The following RBFOX1 variants were observed in gnomAD, a reference collection of about 807,000 sequenced individuals.
RBFOX1 encodes RNA binding fox-1 homolog 1.
Under a neutral mutation model 57.7 loss-of-function variants are expected in RBFOX1, and 8 were observed. That is an observed-to-expected ratio of 0.14 (90% CI 0.08 to 0.25). RBFOX1 has a LOEUF of 0.25. RBFOX1 is among the 10% of genes least tolerant of loss of function. The pLI is 1.00. For synonymous variants in RBFOX1, 326 were observed against 222.4 expected, an observed-to-expected ratio of 1.47 and a Z score of -4.15; for missense variants, 611 against 548.5, an observed-to-expected ratio of 1.11 and a Z score of -1.14.
chr16:6,580,724 C>T (rs912095598), intron 2 of RBFOX1, among the ~76,000 whole-genome samples: 2 of 152,066 alleles, frequency 1.3e-5, no homozygotes, highest in African/African-American at 4.8e-5. Context: ...GAGATGAGAC[C>T]AGCTGAGGCT....
At chr16:7,299,608 C>T (rs2095982347) in intron 4 of RBFOX1, among the ~76,000 whole-genome samples, 1 of 152,192 alleles carries the variant, frequency 6.6e-6, no homozygotes, top group Non-Finnish European at 1.5e-5. Context: ...AAATCCTGGA[C>T]CCTCTGACTC....
chr16:6,227,027 G>A (rs758098101), intron 1 of RBFOX1, among the ~76,000 whole-genome samples: 4 of 151,930 alleles, frequency 2.6e-5, no homozygotes, highest in Non-Finnish European at 5.9e-5. Context: ...GGGAGGCTGA[G>A]GCAGGATAAT....
At chr16:5,928,701 A>T (rs1057362167) in intron 4 of RBFOX1, among the ~76,000 whole-genome samples, 9 of 132,290 alleles carry the variant, frequency 6.8e-5, no homozygotes, top group Admixed American at 5.5e-4. Flanking sequence ...TCTGCCCAAT[A>T]AAAAAAAAAA....
At chr16:5,626,377 C>A (rs2048351354) in intron 3 of RBFOX1, among the ~76,000 whole-genome samples, 1 of 152,158 alleles carries the variant, frequency 6.6e-6, no homozygotes, top group African/African-American at 2.4e-5. Flanking sequence ...TTTTAATCTT[C>A]TCATCTTAGG....
At chr16:6,929,465 T>C (rs1289571703) in intron 3 of RBFOX1, among the ~76,000 whole-genome samples, 1 of 152,178 alleles carries the variant, frequency 6.6e-6, no homozygotes, top group African/African-American at 2.4e-5. Flanking sequence ...CGTGCTTTTC[T>C]GTATTCTAAG....
At chr16:7,039,296 C>G (rs562296007) in intron 3 of RBFOX1, among the ~76,000 whole-genome samples, 1 of 152,296 alleles carries the variant, frequency 6.6e-6, no homozygotes, top group African/African-American at 2.4e-5. Flanking sequence ...GCTCTTTCGT[C>G]CGTCTCCCTT....
At chr16:5,931,426 A>G (rs2059053948) in intron 4 of RBFOX1, among the ~76,000 whole-genome samples, 1 of 152,074 alleles carries the variant, frequency 6.6e-6, no homozygotes, top group African/African-American at 2.4e-5. Flanking sequence ...TTAAAGTGGG[A>G]GAAAAGTTTG....
At chr16:5,377,458 T>TA (rs1466671259) in intron 1 of RBFOX1, among the ~76,000 whole-genome samples, 2 of 150,576 alleles carry the variant, frequency 1.3e-5, no homozygotes, top group African/African-American at 5.0e-5. Flanking sequence ...CAAAGGCTGT[T>TA]AGAGTTTGAG....
intron 1 of RBFOX1, among the ~76,000 whole-genome samples, chr16:5,295,562 C>T (rs977727193): frequency 6.6e-6 from 1 of 152,166 alleles, no homozygotes; most frequent in Non-Finnish European, 1.5e-5. Context: ...CATTCAGTTC[C>T]TTGCAGGCTG....
intron 14 of RBFOX1, among the ~76,000 whole-genome samples, chr16:7,708,789 T>C (rs755157998): frequency 4.0e-4 from 60 of 150,736 alleles, no homozygotes; most frequent in Non-Finnish European, 8.3e-4. Context: ...AACAGTATTA[T>C]GGGGGGAGGC....
At chr16:6,641,940 T>C (rs1355278322) in intron 2 of RBFOX1, among the ~76,000 whole-genome samples, 1 of 152,092 alleles carries the variant, frequency 6.6e-6, no homozygotes, top group East Asian at 1.9e-4. Context: ...TTCTCTTTTT[T>C]CCATTCTTTT....
chr16:6,932,722 G>C (rs938253867), intron 3 of RBFOX1, among the ~76,000 whole-genome samples: 5 of 152,032 alleles, frequency 3.3e-5, no homozygotes, highest in African/African-American at 1.2e-4. Context: ...TGTTAAATTT[G>C]TTTTTGAGTT....
At chr16:7,185,013 A>G (rs1403846333) in intron 4 of RBFOX1, among the ~76,000 whole-genome samples, 1 of 152,186 alleles carries the variant, frequency 6.6e-6, no homozygotes, top group Non-Finnish European at 1.5e-5. Flanking sequence ...CACTTTGCCA[A>G]TAAGGAAATT....
chr16:5,905,064 C>CTTTTTTTTTT (rs57349384), intron 4 of RBFOX1, among the ~76,000 whole-genome samples: 1 of 78,468 alleles, frequency 1.3e-5, no homozygotes, highest in African/African-American at 5.3e-5. Flanking sequence ...ATGACTGGTG[C>CTTTTTTTTTT]TTTTTTTTTT....
At chr16:6,244,589 C>CT (rs2097558793) in intron 1 of RBFOX1, among the ~76,000 whole-genome samples, 4 of 152,110 alleles carry the variant, frequency 2.6e-5, no homozygotes, top group Admixed American at 6.5e-5. Flanking sequence ...CTGCAATGTT[C>CT]GCCTCTTGGG....
At chr16:7,460,389 ATGTGTGTGTGTGTGTGTG>A (rs1235047786) in intron 4 of RBFOX1, among the ~76,000 whole-genome samples, 1 of 87,258 alleles carries the variant, frequency 1.1e-5, no homozygotes, top group African/African-American at 6.5e-5. Context: ...ATATATATAT[ATGTGTGTGTGTGTGTGTG>A]TGTGTGTGTG....
At chr16:6,869,514 T>A (rs1006532226) in intron 3 of RBFOX1, among the ~76,000 whole-genome samples, 1 of 151,930 alleles carries the variant, frequency 6.6e-6, no homozygotes, top group Non-Finnish European at 1.5e-5. Flanking sequence ...TTTCAACACA[T>A]ATAAAAGGGT....
chr16:6,413,584 C>T (rs965352011), intron 2 of RBFOX1, among the ~76,000 whole-genome samples: 2 of 151,940 alleles, frequency 1.3e-5, no homozygotes, highest in Admixed American at 1.3e-4. Context: ...TTCTCATAAT[C>T]GGTCAAAACA....
chr16:5,534,031 TG>T (rs981948143), intron 2 of RBFOX1, among the ~76,000 whole-genome samples: 1 of 152,120 alleles, frequency 6.6e-6, no homozygotes, highest in African/African-American at 2.4e-5. Flanking sequence ...GAGCCAAATC[TG>T]GGAGGATGTG....
Sources: allele counts gnomAD v4.1 joint callset (sites outside exome capture counted in the v4.1 genomes callset), GRCh38; gene constraint gnomAD v4.1.1; transcripts MANE v1.5; gene names NCBI Gene and HGNC (gene_info 2026-07-23, HGNC 2026-07-21).